The following ANK2 variants were observed in gnomAD, a reference collection of about 807,000 sequenced individuals.
ANK2 encodes the protein ankyrin-2.
In ANK2, 83 loss-of-function variants were observed where a neutral mutation model predicts 360.5. That is an observed-to-expected ratio of 0.23 (90% confidence interval 0.19 to 0.28). The LOEUF (loss-of-function observed/expected upper bound fraction) is 0.28, where lower values mean the gene tolerates loss of function less well. ANK2 is among the 10% of genes least tolerant of loss of function. The pLI is 1.00. For synonymous variants in ANK2, 1,740 were observed against 1,759.5 expected (o/e 0.99, Z 0.28); for missense variants, 4,201 against 4,795.7 (o/e 0.88, Z 3.66).
rs118002315 is a variant in ANK2, at chr4:112,891,218, A to G, written c.-39-13237A>G. Among the ~76,000 whole-genome samples, 368 of 152,284 alleles carry G rather than the reference A, an allele frequency of 2.4e-3. 13 individuals are homozygous for G. In the East Asian group the frequency reaches 0.055, roughly 23 times the overall value. ...AGATCCTGTACTTAAATCAAGATTCATGACTCCTCATCTTCCTTTTTTGTT... is the reference window on the plus strand; with the variant it reads ...AGATCCTGTACTTAAATCAAGATTCGTGACTCCTCATCTTCCTTTTTTGTT... On this transcript the variant is annotated intron_variant, in intron 1 of 30. Transcript: ENST00000503271.
intron 1 of ANK2, among the ~76,000 whole-genome samples, chr4:112,830,027 A>T (rs2059380662): frequency 6.6e-6 from 1 of 152,230 alleles, no homozygotes; most frequent in Non-Finnish European, 1.5e-5. Flanking sequence ...TGCGGAGAAA[A>T]GTGAACACTT....
In ANK2 at chr4:113,377,982, G is replaced by A. The variant is rs73844008; in HGVS notation, c.11860-3475G>A. ...CTTCTAGGAATTGTATTTATTTATC[G>A]TTTCAAGTATATCTTTTCATACTGA... On this transcript the variant is annotated intron_variant, in intron 45 of 45. Transcript: ENST00000357077. 1,778 of 339,812 alleles carry A rather than the reference G, an allele frequency of 5.2e-3. 28 individuals carry two copies. The highest frequency in any genetic ancestry group is 0.037 in the African/African-American group (1,639 of 44,794). The allele number at this position is 339,812 out of a possible 1,614,324, so 21.0% of individuals were successfully genotyped here. A position where few individuals can be genotyped will look rare whatever the true frequency, so the allele number is the denominator to read the frequency against.
rs927292878 is a variant in ANK2, at chr4:112,913,991, A to G, written c.21+9477A>G. Among the ~76,000 whole-genome samples the G allele has an allele frequency of 3.5e-4, 53 of 152,226 alleles. 1 individual carries two copies. Among genetic ancestry groups the G allele is most frequent in the Admixed American group, 3.4e-3 (52 of 15,290 alleles). ...CATCTATAATTCTTACTTTCTACTA[A>G]GGAACTCAGGCACATCACACTTTGA... On this transcript the variant is annotated intron_variant, in intron 2 of 30. Transcript: ENST00000503271.
the ANK2 span, among the ~76,000 whole-genome samples, chr4:112,726,617 C>T: frequency 7.2e-5 from 11 of 151,838 alleles, no homozygotes; most frequent in African/African-American, 2.7e-4. Flanking sequence ...TGCGGGAGGC[C>T]GAGGCGGGCA....
rs11310852 is a variant in ANK2 at position 113,001,331 on chromosome 4, C to CAA, written c.21+96836_21+96837dup. Among the ~76,000 whole-genome samples the CAA allele has an allele frequency of 3.7e-3, 313 of 84,200 alleles. 1 individual carries two copies. The highest frequency in any genetic ancestry group is 0.014 in the African/African-American group (298 of 21,852). The allele number at this position is 84,200 out of a possible 152,430, so 55.2% of individuals were successfully genotyped here. ...AGGCGACAAAAGCAAAACTCTGTCTCAAAAAAAAAAAAAAAAAAAAGGTGA... is the reference window on the plus strand; with the variant it reads ...AGGCGACAAAAGCAAAACTCTGTCTCAAAAAAAAAAAAAAAAAAAAAAGGTGA... On this transcript the variant is annotated intron_variant, in intron 2 of 30. Transcript: ENST00000503271.
intron 11 of ANK2, 87 bp from the exon 12 acceptor site, chr4:113,257,963 A>G (rs1161661475): frequency 5.8e-6 from 7 of 1,213,460 alleles, no homozygotes; most frequent in Non-Finnish European, 7.3e-6. Context: ...GTGACGATGT[A>G]ACATTATTGC....
intron 2 of ANK2, among the ~76,000 whole-genome samples, chr4:112,911,188 C>CT (rs751581640): frequency 0.019 from 1,421 of 73,976 alleles, 126 homozygotes; most frequent in African/African-American, 0.04. Context: ...CAAGATGGTG[C>CT]TTTTTTTTTT....
intron 1 of ANK2, among the ~76,000 whole-genome samples, chr4:112,902,313 T>C (rs943087787): frequency 2.0e-5 from 3 of 152,222 alleles, no homozygotes; most frequent in African/African-American, 7.2e-5. Flanking sequence ...CAGTTCTAAA[T>C]GTCAGATGGA....
At chr4:113,104,904 C>A (rs1229061026) in intron 1 of ANK2, among the ~76,000 whole-genome samples, 13 of 151,716 alleles carry the variant, frequency 8.6e-5, no homozygotes, top group Non-Finnish European at 1.9e-4. Context: ...TCTTGGGAGC[C>A]CTCCTGGAAG....
chr4:112,754,898 A>C, the ANK2 span, among the ~76,000 whole-genome samples: 1 of 152,208 alleles, frequency 6.6e-6, no homozygotes, highest in African/African-American at 2.4e-5. Context: ...CTAGAAATAG[A>C]GACACTGGAG....
rs116402559 is a variant in ANK2, at chr4:113,232,489, T to C, written c.483+230T>C. ...GTCTATTTATTCTTACATAAAATCATGCTTCCATTAATTTTCCATCCTCTG... is the reference window on the plus strand; with the variant it reads ...GTCTATTTATTCTTACATAAAATCACGCTTCCATTAATTTTCCATCCTCTG... On this transcript the variant is annotated intron_variant, in intron 5 of 45. Coordinates refer to ENST00000357077, the MANE Select transcript of ANK2 (RefSeq NM_001148.6). Among the ~76,000 whole-genome samples the C allele has an allele frequency of 4.2e-3, 637 of 152,360 alleles. 5 individuals are homozygous for C. The highest frequency in any genetic ancestry group is 0.015 in the African/African-American group (606 of 41,584).
chr4:112,746,443 G>A, the ANK2 span, among the ~76,000 whole-genome samples: 2 of 151,318 alleles, frequency 1.3e-5, no homozygotes, highest in African/African-American at 2.4e-5. Flanking sequence ...GGGAGGTGGA[G>A]GTTGCAGTGA....
At position 112,885,225 on chromosome 4, in the gene ANK2, G is replaced by A. The variant is rs568248634; in HGVS notation, c.-39-19230G>A. On this transcript the variant is annotated intron_variant, in intron 1 of 30. Transcript: ENST00000503271. ...TTAAAAATTAAATAAGCAGGGCCGG[G>A]CGTGGTGGTTCACGCCTGTAATCCC... Among the ~76,000 whole-genome samples, 17 of 152,324 alleles carry A rather than the reference G, an allele frequency of 1.1e-4. No homozygotes were observed. In the South Asian group the frequency reaches 3.5e-3, roughly 32 times the overall value.
chr4:113,071,152 T>G (rs368628313), intron 1 of ANK2, among the ~76,000 whole-genome samples: 4 of 152,204 alleles, frequency 2.6e-5, no homozygotes, highest in African/African-American at 9.7e-5. Flanking sequence ...AGACTGCACA[T>G]GATTTAATTA....
chr4:112,720,643 T>C, the ANK2 span, among the ~76,000 whole-genome samples: 2 of 152,188 alleles, frequency 1.3e-5, no homozygotes, highest in Non-Finnish European at 2.9e-5. Flanking sequence ...GCCTGAAATA[T>C]AACAGGTGCT....
intron 1 of ANK2, among the ~76,000 whole-genome samples, chr4:112,868,817 A>G (rs1339435665): frequency 1.3e-5 from 2 of 152,146 alleles, no homozygotes; most frequent in Non-Finnish European, 1.5e-5. Flanking sequence ...TAACATATCC[A>G]ATATTGCCCA....
chr4:112,735,565 C>A, the ANK2 span, among the ~76,000 whole-genome samples: 1 of 152,142 alleles, frequency 6.6e-6, no homozygotes, highest in Admixed American at 6.5e-5. Context: ...CACAAGGGGG[C>A]TTTCCTTGTT....
At chr4:113,322,029 G>A (rs191112220) in intron 26 of ANK2, among the ~76,000 whole-genome samples, 2 of 152,136 alleles carry the variant, frequency 1.3e-5, no homozygotes, top group Non-Finnish European at 2.9e-5. Context: ...ACCGTGCCCA[G>A]CCAAAAAACA....
intron 9 of ANK2, among the ~76,000 whole-genome samples, chr4:113,248,588 T>G (rs573555982): frequency 1.3e-5 from 2 of 151,784 alleles, no homozygotes; most frequent in Non-Finnish European, 2.9e-5. Flanking sequence ...GGGTAGAGCA[T>G]GGGTCTGGAG....
Sources: gnomAD v4.1 joint callset for allele counts (sites outside exome capture counted in the v4.1 genomes callset) on GRCh38, gnomAD v4.1.1 for gene constraint, MANE v1.5 for transcripts, NCBI Gene and HGNC (gene_info 2026-07-23, HGNC 2026-07-21) for gene names.